Variants in CNIH3 observed in about 807,000 individuals in gnomAD.
The protein encoded by CNIH3 is protein cornichon homolog 3.
CNIH3 carries 14 observed loss-of-function variants against 24.1 expected under a neutral mutation model. The ratio of observed to expected loss-of-function variants is 0.58; its 90% CI spans 0.38 to 0.91. CNIH3 has a LOEUF of 0.91. Among genes scored for constraint, CNIH3 ranks in the 40% least tolerant of loss-of-function variants. The pLI is 0.00. For synonymous variants in CNIH3, 68 were observed against 73.8 expected (o/e 0.92, Z 0.40); for missense variants, 178 against 196.8 (o/e 0.90, Z 0.57).
chr1:224,668,597 T>C (rs753529594), intron 1 of CNIH3, among the ~76,000 whole-genome samples: 1 of 152,150 alleles, frequency 6.6e-6, no homozygotes, highest in African/African-American at 2.4e-5. Flanking sequence ...AAAGCTGGGC[T>C]AGGCTGGCCA....
intron 1 of CNIH3, among the ~76,000 whole-genome samples, chr1:224,488,793 G>GCT (rs1388930800): frequency 2.3e-5 from 1 of 44,116 alleles, no homozygotes; most frequent in Non-Finnish European, 6.0e-5. Flanking sequence ...TTAAATTTTA[G>GCT]ATGTGTTTTT....
chr1:224,739,319 T>G lies in CNIH3; in HGVS notation c.456-10T>G. The G allele has an allele frequency of 7.0e-7, 1 of 1,427,338 alleles. No homozygotes were observed. Among genetic ancestry groups the G allele is most frequent in the Non-Finnish European group, 9.4e-7 (1 of 1,062,796 alleles). 88.4% of individuals were successfully genotyped at this position (1,427,338 alleles called of 1,614,324 possible). A position where few individuals can be genotyped will look rare whatever the true frequency, so the allele number is the denominator to read the frequency against. ...TCTTTTTTTTTTTTTTTTTTTTTTTTTGCATTCAGCATGATCTACACTTTA... is the reference window on the plus strand; with the variant it reads ...TCTTTTTTTTTTTTTTTTTTTTTTTGTGCATTCAGCATGATCTACACTTTA... On this transcript the variant is annotated splice_polypyrimidine_tract_variant and intron_variant, in intron 5 of 5. Coordinates refer to ENST00000272133, the MANE Select transcript of CNIH3 (RefSeq NM_152495.2).
chr1:224,460,031 T>C (rs558221938), intron 1 of CNIH3, among the ~76,000 whole-genome samples: 2 of 152,112 alleles, frequency 1.3e-5, no homozygotes, highest in Admixed American at 6.6e-5. Flanking sequence ...CCCATGCCAC[T>C]ACACCTGTCT....
At chr1:224,584,434 G>T (rs960067826) in intron 5 of CNIH3, among the ~76,000 whole-genome samples, 1 of 152,138 alleles carries the variant, frequency 6.6e-6, no homozygotes. Flanking sequence ...TTGTTTGGGG[G>T]CTAGAAAAAT....
At chr1:224,577,281 T>C (rs376592428) in intron 4 of CNIH3, among the ~76,000 whole-genome samples, 8 of 152,058 alleles carry the variant, frequency 5.3e-5, no homozygotes, top group African/African-American at 1.7e-4. Flanking sequence ...ACTCAGAGAA[T>C]GGGAGAAAAT....
chr1:224,460,249 T>C (rs1256496113), intron 1 of CNIH3, among the ~76,000 whole-genome samples: 2 of 152,158 alleles, frequency 1.3e-5, no homozygotes, highest in African/African-American at 4.8e-5. Flanking sequence ...GTATAATTGA[T>C]ATACAATACA....
At chr1:224,614,131 C>A (rs1045183667), upstream of CNIH3, among the ~76,000 whole-genome samples, 2 of 152,138 alleles carry the variant, frequency 1.3e-5, no homozygotes, top group African/African-American at 4.8e-5. Context: ...CTGCCCACCT[C>A]GACCTCCCCA....
chr1:224,590,967 A>G (rs1681732406), downstream of CNIH3, among the ~76,000 whole-genome samples: 2 of 152,302 alleles, frequency 1.3e-5, no homozygotes, highest in South Asian at 2.1e-4. Context: ...CTAAAGTTAC[A>G]TATATAGAAA....
upstream of CNIH3, among the ~76,000 whole-genome samples, chr1:224,512,478 T>G (rs140124640): frequency 7.2e-5 from 11 of 152,208 alleles, no homozygotes; most frequent in Non-Finnish European, 1.6e-4. Context: ...AGACCTTGTT[T>G]CAAAAACAAA....
chr1:224,463,773 A>ATTT (rs56137320), intron 1 of CNIH3, among the ~76,000 whole-genome samples: 624 of 20,734 alleles, frequency 0.03, 96 homozygotes, highest in Middle Eastern at 0.18. Context: ...AATTGTCCTC[A>ATTT]TTTTTTTTTT....
At chr1:224,595,276 G>A (rs1205151773) in intron 3 of CNIH3, among the ~76,000 whole-genome samples, 4 of 152,116 alleles carry the variant, frequency 2.6e-5, no homozygotes, top group South Asian at 4.1e-4. Context: ...AAACTCATGG[G>A]CTCAAGTGAT....
chr1:224,736,391 G>T (rs1385988353), intron 5 of CNIH3, among the ~76,000 whole-genome samples: 2 of 152,200 alleles, frequency 1.3e-5, no homozygotes. Context: ...CTCCCAAAGT[G>T]CTGGGATTAC....
chr1:224,494,776 C>A (rs1165990513), intron 1 of CNIH3, among the ~76,000 whole-genome samples: 1 of 152,126 alleles, frequency 6.6e-6, no homozygotes, highest in African/African-American at 2.4e-5. Flanking sequence ...ATTTTTGAGC[C>A]CTGAGGTGCC....
chr1:224,513,395 G>A (rs998492142), upstream of CNIH3, among the ~76,000 whole-genome samples: 1 of 151,144 alleles, frequency 6.6e-6, no homozygotes, highest in South Asian at 2.1e-4. Flanking sequence ...GCTCAGGCTG[G>A]TCTCGAACTC....
In CNIH3 at chr1:224,616,616, T is replaced by C; in HGVS notation, c.-559T>C. 3 of 986,944 alleles carry C rather than the reference T, an allele frequency of 3.0e-6. No homozygotes were observed. The highest frequency in any genetic ancestry group is 3.6e-6 in the Non-Finnish European group (3 of 831,048). 61.1% of individuals were successfully genotyped at this position (986,944 alleles called of 1,614,324 possible). ...CTCCCGGCTACCTAAAGACTCCTTCTCTCGGGAAAGAGCGCTGCCCGGCTC... is the reference window on the plus strand; with the variant it reads ...CTCCCGGCTACCTAAAGACTCCTTCCCTCGGGAAAGAGCGCTGCCCGGCTC... On this transcript the variant is annotated 5_prime_UTR_variant, in exon 1 of 6. Coordinates refer to ENST00000272133, the MANE Select transcript of CNIH3 (RefSeq NM_152495.2).
At chr1:224,440,733 G>T (rs1674866056) in intron 1 of CNIH3, among the ~76,000 whole-genome samples, 1 of 152,150 alleles carries the variant, frequency 6.6e-6, no homozygotes, top group Admixed American at 6.5e-5. Context: ...GATGGATGGA[G>T]TGGGGTAGTG....
At chr1:224,485,206 G>A (rs543877943) in intron 1 of CNIH3, among the ~76,000 whole-genome samples, 13 of 152,282 alleles carry the variant, frequency 8.5e-5, no homozygotes, top group African/African-American at 3.1e-4. Context: ...GGGCCACTGG[G>A]TGCACCTTCC....
chr1:224,616,858 ACAGC>A lies in CNIH3; in HGVS notation c.-316_-313del. 3 of 1,177,502 alleles carry A rather than the reference ACAGC, an allele frequency of 2.5e-6. No homozygotes were observed. The highest frequency in any genetic ancestry group is 3.2e-5 in the South Asian group (1 of 31,252). 72.9% of individuals were successfully genotyped at this position (1,177,502 alleles called of 1,614,324 possible). A position where few individuals can be genotyped will look rare whatever the true frequency, so the allele number is the denominator to read the frequency against. ...TTGTCGTGTTGGTCTCGAGGGGCTC[ACAGC>A]TTGGCACTAATTTGCAGGTGTTCGC... On this transcript the variant is annotated 5_prime_UTR_variant, in exon 1 of 6. The change creates a premature stop within an existing upstream ORF in the 5' untranslated region. Coordinates refer to ENST00000272133, the MANE Select transcript of CNIH3 (RefSeq NM_152495.2).
intron 1 of CNIH3, among the ~76,000 whole-genome samples, chr1:224,659,160 T>C (rs1357202139): frequency 6.6e-6 from 1 of 152,176 alleles, no homozygotes; most frequent in Non-Finnish European, 1.5e-5. Flanking sequence ...TGGCCCTGCG[T>C]CTCATGAAAG....
Sources: allele counts gnomAD v4.1 joint callset (sites outside exome capture counted in the v4.1 genomes callset), GRCh38; gene constraint gnomAD v4.1.1; transcripts MANE v1.5; gene names NCBI Gene and HGNC (gene_info 2026-07-23, HGNC 2026-07-21).